Variants in TMEM63C observed in about 807,000 individuals in gnomAD.
TMEM63C encodes the protein transmembrane protein 63C.
A neutral mutation model predicts 99.2 loss-of-function variants in TMEM63C; 32 were observed. The ratio of observed to expected loss-of-function variants is 0.32; its 90% CI spans 0.24 to 0.43. The LOEUF (loss-of-function observed/expected upper bound fraction) is 0.43. TMEM63C is among the 20% of genes least tolerant of loss of function. The pLI is 1.00. For missense variants in TMEM63C, 826 were observed against 1,053.0 expected, an observed-to-expected ratio of 0.78 and a Z score of 2.98; for synonymous variants, 376 against 397.9, an observed-to-expected ratio of 0.94 and a Z score of 0.66.
chr14:77,253,290 C>T lies in TMEM63C; in HGVS notation c.2149-15C>T, dbSNP rs1482690960. The T allele has an allele frequency of 2.5e-6, 4 of 1,611,282 alleles. No homozygotes were observed. The highest frequency in any genetic ancestry group is 3.4e-6 in the Non-Finnish European group (4 of 1,178,940). ...GAGCAGGCCTCCTGTAACCCACCACCTCTCCCTGCTGCAGCCCGAGGAGGA... is the reference window on the plus strand; with the variant it reads ...GAGCAGGCCTCCTGTAACCCACCACTTCTCCCTGCTGCAGCCCGAGGAGGA... On this transcript the variant is annotated splice_polypyrimidine_tract_variant and intron_variant, in intron 22 of 23. Coordinates refer to ENST00000298351, the MANE Select transcript of TMEM63C (RefSeq NM_020431.4).
chr14:77,210,400 T>C (rs991971404), intron 1 of TMEM63C, among the ~76,000 whole-genome samples: 22 of 152,172 alleles, frequency 1.4e-4, no homozygotes, highest in Non-Finnish European at 3.1e-4. Flanking sequence ...TTTCTCCATA[T>C]GTAAAGCTGA....
intron 2 of TMEM63C, 137 bp downstream of exon 2, chr14:77,213,645 C>G (rs370215267): frequency 6.6e-6 from 1 of 152,236 alleles, no homozygotes; most frequent in African/African-American, 2.4e-5. Flanking sequence ...ACCTGGAGCC[C>G]GAGGTAGCTC....
chr14:77,219,359 C>T, intron 3 of TMEM63C, 139 bp from the exon 4 acceptor site: 1 of 810,076 alleles, frequency 1.2e-6, no homozygotes, highest in Non-Finnish European at 2.0e-6. Flanking sequence ...GGCCCCTACT[C>T]CAACAGAGCT....
chr14:77,236,732 G>T lies in TMEM63C; in HGVS notation c.651G>T (p.Lys217Asn). 3.7e-6 allele frequency: 6 copies of T among 1,604,946 alleles called. No individual in the cohort carries two copies. Among genetic ancestry groups the T allele is most frequent in the Non-Finnish European group, 5.1e-6 (6 of 1,172,396 alleles). ...CLGFAPRNSQ[K>N]VTRTLMITYV... is the part of the protein sequence containing the mutation. ...GGTTTGCACCCAGGAATAGCCAAAA[G>T]GTAAGTAGCCTACAAAGCTGCTTCC... The change falls in exon 9 of 24, where the codon AAG (lysine) becomes AAT (asparagine). Residue 217 changes from lysine to asparagine, a missense_variant and splice_region_variant. Lys to Asn is a moderately conservative substitution (Grantham distance 94). Transcript: ENST00000298351.
chr14:77,231,482 A>AT, intron 6 of TMEM63C, 106 bp from the exon 7 acceptor site: 1 of 1,248,870 alleles, frequency 8.0e-7, no homozygotes, highest in Non-Finnish European at 1.1e-6. Context: ...AAAAAAAAAA[A>AT]CTTGGGGAGG....
At chr14:77,244,504 C>T (rs778314357) in intron 16 of TMEM63C, 49 bp downstream of exon 16, 112 of 1,485,680 alleles carry the variant, frequency 7.5e-5, no homozygotes, top group Non-Finnish European at 1.0e-4. Flanking sequence ...CCAGCCTCTT[C>T]CCCTGCCCTG....
At chr14:77,239,557 T>C in intron 11 of TMEM63C, 46 bp from the exon 12 acceptor site, 1 of 1,612,496 alleles carries the variant, frequency 6.2e-7, no homozygotes, top group South Asian at 1.1e-5. Context: ...GGGGCTCTGC[T>C]GGCCCCTGAC....
intron 5 of TMEM63C, among the ~76,000 whole-genome samples, chr14:77,223,345 C>A (rs1357806276): frequency 1.1e-4 from 16 of 146,840 alleles, no homozygotes; most frequent in Non-Finnish European, 2.3e-4. Context: ...AGTGAGGTGG[C>A]CCCCACAGTG....
At chr14:77,202,509 G>A (rs571149577) in intron 1 of TMEM63C, among the ~76,000 whole-genome samples, 1 of 152,260 alleles carries the variant, frequency 6.6e-6, no homozygotes, top group South Asian at 2.1e-4. Context: ...CAGGACCTAG[G>A]GGAGCATCCT....
At chr14:77,203,382 GA>G (rs10554283) in intron 1 of TMEM63C, among the ~76,000 whole-genome samples, 35,352 of 122,790 alleles carry the variant, frequency 0.29, 4,994 homozygotes, top group Admixed American at 0.44. Context: ...ACTCCATCTT[GA>G]AAAAAAAAAA....
intron 1 of TMEM63C, among the ~76,000 whole-genome samples, chr14:77,209,827 G>T (rs566513243): frequency 2.6e-5 from 4 of 152,140 alleles, no homozygotes; most frequent in Non-Finnish European, 4.4e-5. Context: ...CCATGAGGAA[G>T]TAGCCAGGCC....
intron 1 of TMEM63C, among the ~76,000 whole-genome samples, chr14:77,197,609 A>G (rs1403925909): frequency 6.6e-6 from 1 of 152,230 alleles, no homozygotes; most frequent in African/African-American, 2.4e-5. Context: ...TGCTTAACAC[A>G]TTAGATCCGA....
chr14:77,258,809 C>A lies in TMEM63C; in HGVS notation c.*2083C>A, dbSNP rs562128982. On this transcript the variant is annotated 3_prime_UTR_variant, in exon 24 of 24. Coordinates refer to ENST00000298351, the MANE Select transcript of TMEM63C (RefSeq NM_020431.4). The stretch of plus-strand genomic sequence containing the variant: ...GCCCCTGCCCCCAGCCCCTGCAGCC[C>A]CTGCCGGACTGTGGAAGCCACATAT... 1 of 152,530 alleles carries A rather than the reference C, an allele frequency of 6.6e-6. No homozygotes were observed. Among genetic ancestry groups the A allele is most frequent in the East Asian group, 1.9e-4 (1 of 5,172 alleles). The allele number at this position is 152,530 out of a possible 1,614,324, so 9.4% of individuals were successfully genotyped here.
In TMEM63C at chr14:77,231,595, G is replaced by A. The variant is rs1206315590; in HGVS notation, c.358G>A (p.Asp120Asn). The A allele has an allele frequency of 6.4e-7, 1 of 1,551,636 alleles. No homozygotes were observed. The highest frequency in any genetic ancestry group is 8.7e-7 in the Non-Finnish European group (1 of 1,146,982). The stretch of plus-strand genomic sequence containing the variant: ...TCTGTGTGTCTCTTCCAGGGACGAG[G>A]ATCTGATTAACAAGTGTGGGGACGA... ...FFNSITMKDE[D>N]LINKCGDDAR... The change falls in exon 7 of 24, where the codon GAT becomes AAT. Residue 120 changes from aspartate to asparagine, a missense_variant. Transcript: ENST00000298351.
chr14:77,234,700 C>A (rs1449552986), intron 8 of TMEM63C, among the ~76,000 whole-genome samples: 1 of 152,122 alleles, frequency 6.6e-6, no homozygotes, highest in Non-Finnish European at 1.5e-5. Context: ...TAAAGTGGGC[C>A]CTATTTCTGA....
chr14:77,194,076 A>G (rs1319781404), intron 1 of TMEM63C, among the ~76,000 whole-genome samples: 2 of 152,228 alleles, frequency 1.3e-5, no homozygotes, highest in Non-Finnish European at 2.9e-5. Flanking sequence ...AACAAGAAAA[A>G]ACAAAGATGT....
intron 9 of TMEM63C, 39 bp downstream of exon 9, chr14:77,236,771 T>A (rs1175284849): frequency 4.2e-6 from 6 of 1,432,502 alleles, no homozygotes; most frequent in Non-Finnish European, 4.9e-6. Context: ...TGTGGGAAGC[T>A]GGGGTCCCTC....
chr14:77,239,321 C>A (rs1889114543), intron 10 of TMEM63C, 91 bp from the exon 11 acceptor site: 7 of 1,348,010 alleles, frequency 5.2e-6, no homozygotes, highest in Non-Finnish European at 7.4e-6. Flanking sequence ...CTGAGCCACC[C>A]AGCCCTCAGG....
At chr14:77,237,409 T>A (rs1174459760) in intron 9 of TMEM63C, among the ~76,000 whole-genome samples, 1 of 152,032 alleles carries the variant, frequency 6.6e-6, no homozygotes, top group Admixed American at 6.5e-5. Flanking sequence ...GTAGCGCTTG[T>A]TTATGGGAGG....
Sources: gnomAD v4.1 joint callset for allele counts (sites outside exome capture counted in the v4.1 genomes callset) on GRCh38, gnomAD v4.1.1 for gene constraint, MANE v1.5 for transcripts, NCBI Gene and HGNC (gene_info 2026-07-23, HGNC 2026-07-21) for gene names.